FABP7: variants seen among roughly 807,000 people sequenced by gnomAD.
The protein encoded by FABP7 is fatty acid-binding protein, brain.
Under a neutral mutation model 14.2 loss-of-function variants are expected in FABP7, and 13 were observed. The ratio of observed to expected loss-of-function variants is 0.91; its 90% confidence interval spans 0.59 to 1.45. FABP7 has a LOEUF of 1.45. Among genes scored for constraint, FABP7 ranks in the 40% most tolerant of loss-of-function variants. FABP7 has a pLI of 0.00. For synonymous variants in FABP7, 49 were observed against 51.4 expected, an observed-to-expected ratio of 0.95 and a Z score of 0.20; for missense variants, 149 against 157.6, an observed-to-expected ratio of 0.95 and a Z score of 0.29.
At chr6:122,768,151 C>G in the FABP7 span, among the ~76,000 whole-genome samples, 6 of 151,916 alleles carry the variant, frequency 3.9e-5, no homozygotes, top group African/African-American at 1.2e-4. Flanking sequence ...AAATACAAGT[C>G]AAGAAAAAAT....
At chr6:122,764,945 T>A in the FABP7 span, among the ~76,000 whole-genome samples, 1 of 152,168 alleles carries the variant, frequency 6.6e-6, no homozygotes, top group Non-Finnish European at 1.5e-5. Flanking sequence ...GCAAGGGAAA[T>A]ATAATTGCAG....
chr6:122,767,129 A>T, the FABP7 span, among the ~76,000 whole-genome samples: 1 of 152,112 alleles, frequency 6.6e-6, no homozygotes, highest in Non-Finnish European at 1.5e-5. Context: ...GTAAAAAAGT[A>T]TATCATTTTC....
chr6:122,764,539 A>T, the FABP7 span, among the ~76,000 whole-genome samples: 676 of 152,172 alleles, frequency 4.4e-3, 7 homozygotes, highest in African/African-American at 0.014. Flanking sequence ...AAGTATAATT[A>T]AAAAAAAGAG....
At chr6:122,771,743 A>G in the FABP7 span, among the ~76,000 whole-genome samples, 1 of 152,236 alleles carries the variant, frequency 6.6e-6, no homozygotes, top group Admixed American at 6.5e-5. Flanking sequence ...GGATTAAAGA[A>G]GAGGCTTAGA....
At chr6:122,772,714 C>T in the FABP7 span, among the ~76,000 whole-genome samples, 3 of 152,108 alleles carry the variant, frequency 2.0e-5, no homozygotes, top group African/African-American at 7.2e-5. Context: ...CCACCATGCC[C>T]GGCCAAGTCT....
At chr6:122,766,478 TC>T in the FABP7 span, among the ~76,000 whole-genome samples, 1 of 152,108 alleles carries the variant, frequency 6.6e-6, no homozygotes, top group African/African-American at 2.4e-5. Context: ...AGACCTAGCA[TC>T]CCACATCCTG....
intron 3 of FABP7, chr6:122,782,376 G>A (rs1780812822): frequency 5.7e-6 from 3 of 524,466 alleles, no homozygotes; most frequent in Non-Finnish European, 7.3e-6. Context: ...CTTCCCGGAT[G>A]GCTCCTGGCA....
chr6:122,753,797 C>CCCCCCCG, the FABP7 span, among the ~76,000 whole-genome samples: 3 of 106,024 alleles, frequency 2.8e-5, no homozygotes, highest in African/African-American at 1.1e-4. Flanking sequence ...CCCCCCCCGC[C>CCCCCCCG]CACAGAAGTT....
the FABP7 span, among the ~76,000 whole-genome samples, chr6:122,773,316 A>G: frequency 6.6e-6 from 1 of 152,222 alleles, no homozygotes; most frequent in African/African-American, 2.4e-5. Flanking sequence ...TCCTTTAAGG[A>G]CCATAAATAC....
At chr6:122,762,016 G>A in the FABP7 span, among the ~76,000 whole-genome samples, 2 of 152,148 alleles carry the variant, frequency 1.3e-5, no homozygotes, top group African/African-American at 2.4e-5. Flanking sequence ...TAGAAAAAGA[G>A]GGAATCCTCC....
the FABP7 span, among the ~76,000 whole-genome samples, chr6:122,756,658 A>G: frequency 6.6e-6 from 1 of 152,172 alleles, no homozygotes; most frequent in South Asian, 2.1e-4. Context: ...GGACTTGTCG[A>G]TAATACATCC....
chr6:122,762,129 C>T, the FABP7 span, among the ~76,000 whole-genome samples: 2 of 152,130 alleles, frequency 1.3e-5, no homozygotes, highest in Non-Finnish European at 2.9e-5. Context: ...AACACTGATG[C>T]AAAAATCCTC....
chr6:122,773,818 G>A, the FABP7 span, among the ~76,000 whole-genome samples: 1 of 151,956 alleles, frequency 6.6e-6, no homozygotes, highest in African/African-American at 2.4e-5. Flanking sequence ...GAGATTCAGC[G>A]TCATGTGAAG....
intron 3 of FABP7, chr6:122,781,902 C>A (rs941567129): frequency 2.5e-6 from 1 of 407,512 alleles, no homozygotes; most frequent in Non-Finnish European, 3.3e-6. Context: ...CCACCAACGC[C>A]GGGCTAATTT....
upstream of FABP7, among the ~76,000 whole-genome samples, chr6:122,775,621 C>T (rs1780658497): frequency 6.6e-6 from 1 of 151,568 alleles, no homozygotes; most frequent in African/African-American, 2.4e-5. Flanking sequence ...TTTAGTAAGA[C>T]CTCAAATGCA....
intron 3 of FABP7, 174 bp downstream of exon 3, chr6:122,781,368 C>T: frequency 6.9e-7 from 1 of 1,454,438 alleles, no homozygotes; most frequent in Non-Finnish European, 9.1e-7. Flanking sequence ...ACAAAAAGAT[C>T]CCAGTTAATT....
intron 2 of FABP7, 59 bp from the exon 3 acceptor site, chr6:122,781,034 C>T (rs935572006): frequency 2.9e-5 from 44 of 1,531,032 alleles, no homozygotes; most frequent in Middle Eastern, 1.8e-4. Context: ...CATCGTCTTC[C>T]GTATCAGAAA....
the FABP7 span, among the ~76,000 whole-genome samples, chr6:122,770,528 TATG>T: frequency 6.6e-6 from 1 of 152,132 alleles, no homozygotes; most frequent in African/African-American, 2.4e-5. Context: ...AATTTACTAA[TATG>T]ATTCTGACAG....
chr6:122,757,460 C>A, the FABP7 span, among the ~76,000 whole-genome samples: 2 of 152,096 alleles, frequency 1.3e-5, no homozygotes, highest in Admixed American at 6.6e-5. Context: ...GCCCCTGTCC[C>A]TGTCATGTCA....
Sources: allele counts gnomAD v4.1 joint callset (sites outside exome capture counted in the v4.1 genomes callset), GRCh38; gene constraint gnomAD v4.1.1; transcripts MANE v1.5; gene names NCBI Gene and HGNC (gene_info 2026-07-23, HGNC 2026-07-21).